ELAVL2: variants seen among roughly 807,000 people sequenced by gnomAD.
The protein encoded by ELAVL2 is ELAV like RNA binding protein 2.
Under a neutral mutation model 34.6 loss-of-function variants are expected in ELAVL2, and 4 were observed. The observed-to-expected ratio is 0.12, with a 90% CI of 0.06 to 0.26. The LOEUF (loss-of-function observed/expected upper bound fraction) is 0.26, where lower values mean the gene tolerates loss of function less well. ELAVL2 is among the 10% of genes least tolerant of loss of function. The probability of loss-of-function intolerance (pLI) is 1.00; values close to 1 mark genes in which losing one functional copy is unlikely to be tolerated. For synonymous variants in ELAVL2, 193 were observed against 154.8 expected (o/e 1.25, Z -1.83); for missense variants, 432 against 442.8 (o/e 0.98, Z 0.22).
intron 1 of ELAVL2, among the ~76,000 whole-genome samples, chr9:23,819,024 T>C (rs1170186439): frequency 2.0e-5 from 3 of 152,232 alleles, no homozygotes; most frequent in Non-Finnish European, 4.4e-5. Flanking sequence ...TGGAAGGCTT[T>C]GCTGTGTCCT....
intron 2 of ELAVL2, among the ~76,000 whole-genome samples, chr9:23,751,496 C>A (rs531503693): frequency 1.3e-5 from 2 of 152,194 alleles, no homozygotes; most frequent in South Asian, 4.2e-4. Flanking sequence ...TTTCCTCAGC[C>A]TTCTGATCTG....
intron 1 of ELAVL2, among the ~76,000 whole-genome samples, chr9:23,798,301 G>C (rs1402465097): frequency 1.3e-5 from 2 of 152,216 alleles, no homozygotes; most frequent in Non-Finnish European, 2.9e-5. Context: ...CACCTGGGCA[G>C]AGAGAATTCC....
At position 23,690,378 on chromosome 9, in the gene ELAVL2, T is replaced by C. The variant is rs1292401072; in HGVS notation, c.*2179A>G. The C allele has an allele frequency of 2.6e-5, 4 of 152,618 alleles. No homozygotes were observed. The highest frequency in any genetic ancestry group is 1.3e-4 in the Admixed American group (2 of 15,278). 9.5% of individuals were successfully genotyped at this position (152,618 alleles called of 1,614,324 possible). A position where few individuals can be genotyped will look rare whatever the true frequency, so the allele number is the denominator to read the frequency against. On this transcript the variant is annotated 3_prime_UTR_variant, in exon 7 of 7. Coordinates refer to ENST00000397312, the MANE Select transcript of ELAVL2 (RefSeq NM_004432.5). ...GTAGTATAGGAAAGAAGCATGTAGC[T>C]GCTGTTTTCCCTTGAGGGAAACCTT... is the stretch of plus-strand genomic sequence containing the variant.
intron 3 of ELAVL2, among the ~76,000 whole-genome samples, chr9:23,730,708 C>T (rs575264618): frequency 1.3e-5 from 2 of 152,134 alleles, no homozygotes; most frequent in South Asian, 2.1e-4. Context: ...TATAGAAGAA[C>T]AAGTCTAAGG....
intron 1 of ELAVL2, among the ~76,000 whole-genome samples, chr9:23,777,568 A>T (rs1240468739): frequency 6.6e-6 from 1 of 152,130 alleles, no homozygotes; most frequent in Non-Finnish European, 1.5e-5. Context: ...CAGGCCTTGG[A>T]ATTGAGTTGA....
At chr9:23,841,048 GGACTCTCCTTA>G in the ELAVL2 span, among the ~76,000 whole-genome samples, 1 of 152,080 alleles carries the variant, frequency 6.6e-6, no homozygotes, top group African/African-American at 2.4e-5. Flanking sequence ...ACAGAAATCA[GGACTCTCCTTA>G]ATATCTTCCC....
Position 23,714,078 on chromosome 9 carries a change from T to C in ELAVL2, c.334-9007A>G, listed in dbSNP as rs1270342267. On this transcript the variant is annotated intron_variant, in intron 3 of 6. Coordinates refer to ENST00000397312, the MANE Select transcript of ELAVL2 (RefSeq NM_004432.5). ...ATGTTTTAATCATAACATCATTTTATATACATACATAGGAAACAATTCAGA... is the reference window on the plus strand; with the variant it reads ...ATGTTTTAATCATAACATCATTTTACATACATACATAGGAAACAATTCAGA... Among the ~76,000 whole-genome samples, 4 of 152,212 alleles carry C rather than the reference T, an allele frequency of 2.6e-5. No individual in the cohort carries two copies. The East Asian group carries it at 7.7e-4, about 29-fold the overall frequency.
At chr9:23,823,523 G>A (rs1288071275) in intron 1 of ELAVL2, among the ~76,000 whole-genome samples, 2 of 152,190 alleles carry the variant, frequency 1.3e-5, no homozygotes, top group South Asian at 2.1e-4. Context: ...AAGAGGGAAC[G>A]GGGAAGAAGT....
At chr9:23,739,540 C>T (rs991148333) in intron 2 of ELAVL2, among the ~76,000 whole-genome samples, 3 of 151,974 alleles carry the variant, frequency 2.0e-5, no homozygotes, top group African/African-American at 7.3e-5. Flanking sequence ...TCCGCCACCG[C>T]CCCTACCCCC....
At chr9:23,695,017 A>G (rs2034630497) in intron 5 of ELAVL2, among the ~76,000 whole-genome samples, 1 of 152,230 alleles carries the variant, frequency 6.6e-6, no homozygotes, top group Admixed American at 6.5e-5. Context: ...TTAGTCCAGA[A>G]TGAAAACTAG....
At chr9:23,752,079 T>A (rs1181887563) in intron 2 of ELAVL2, among the ~76,000 whole-genome samples, 4 of 152,160 alleles carry the variant, frequency 2.6e-5, no homozygotes, top group Non-Finnish European at 5.9e-5. Context: ...AAGATGTTTT[T>A]CAAAAACTAC....
At chr9:23,838,776 A>C in the ELAVL2 span, among the ~76,000 whole-genome samples, 9 of 152,116 alleles carry the variant, frequency 5.9e-5, no homozygotes, top group Non-Finnish European at 1.0e-4. Flanking sequence ...AAACCCTTAA[A>C]GTGATTTGCT....
chr9:23,738,857 C>A (rs1407866971), intron 2 of ELAVL2, among the ~76,000 whole-genome samples: 1 of 152,108 alleles, frequency 6.6e-6, no homozygotes, highest in Non-Finnish European at 1.5e-5. Flanking sequence ...ATTTTAATAG[C>A]CATATCTGTC....
intron 6 of ELAVL2, 27 bp downstream of exon 6, chr9:23,693,421 A>T (rs755650566): frequency 6.2e-7 from 1 of 1,613,670 alleles, no homozygotes; most frequent in African/African-American, 1.3e-5. Context: ...GAAAGGGATT[A>T]TGAGTATCAT....
chr9:23,704,837 C>A, intron 4 of ELAVL2, 81 bp downstream of exon 4: 1 of 1,558,382 alleles, frequency 6.4e-7, no homozygotes, highest in Non-Finnish European at 8.7e-7. Context: ...AGAAGCAAGA[C>A]TGCTACATGG....
At chr9:23,777,638 G>T (rs892473971) in intron 1 of ELAVL2, among the ~76,000 whole-genome samples, 1 of 152,068 alleles carries the variant, frequency 6.6e-6, no homozygotes, top group African/African-American at 2.4e-5. Flanking sequence ...GAAACGGGGG[G>T]TATCATGAGG....
intron 6 of ELAVL2, among the ~76,000 whole-genome samples, chr9:23,693,237 C>G (rs574068796): frequency 6.6e-6 from 1 of 152,142 alleles, no homozygotes; most frequent in African/African-American, 2.4e-5. Flanking sequence ...CAATACGAAA[C>G]AAATGATGGG....
At chr9:23,695,619 C>CTAGT (rs2034881589) in intron 5 of ELAVL2, among the ~76,000 whole-genome samples, 1 of 152,108 alleles carries the variant, frequency 6.6e-6, no homozygotes, top group South Asian at 2.1e-4. Flanking sequence ...TACCACACAC[C>CTAGT]TAGTTATATG....
In ELAVL2 at chr9:23,691,237, A is replaced by G. The variant is rs2033075668; in HGVS notation, c.*1320T>C. On this transcript the variant is annotated 3_prime_UTR_variant, in exon 7 of 7. Transcript: ENST00000397312. ...ATACAAAAACATTCAAAACCTGAAC[A>G]TCACTTGGCATGTAAGGGAAAAAAA... The G allele has an allele frequency of 6.6e-6, 1 of 152,574 alleles. No homozygotes were observed. The highest frequency in any genetic ancestry group is 1.5e-5 in the Non-Finnish European group (1 of 68,006). The allele number at this position is 152,574 out of a possible 1,614,324, so 9.5% of individuals were successfully genotyped here.
Sources: allele counts gnomAD v4.1 joint callset (sites outside exome capture counted in the v4.1 genomes callset), GRCh38; gene constraint gnomAD v4.1.1; transcripts MANE v1.5; gene names NCBI Gene and HGNC (gene_info 2026-07-23, HGNC 2026-07-21).